MDGA2: variants seen among roughly 807,000 people sequenced by gnomAD.
MDGA2 encodes MAM domain-containing glycosylphosphatidylinositol anchor protein 2.
In MDGA2, 40 loss-of-function variants were observed where a neutral mutation model predicts 117.8. The ratio of observed to expected loss-of-function variants is 0.34; its 90% CI spans 0.26 to 0.44. The LOEUF is 0.44. Ranked by LOEUF, MDGA2 falls within the 20% of genes least tolerant of loss-of-function variation. The pLI, the probability that MDGA2 is intolerant of heterozygous loss-of-function variation, is 1.00. For missense variants in MDGA2, 1,123 were observed against 1,250.6 expected (o/e 0.90, Z 1.54); for synonymous variants, 452 against 439.0 (o/e 1.03, Z -0.37).
intron 1 of MDGA2, among the ~76,000 whole-genome samples, chr14:47,358,535 C>T (rs1034636575): frequency 6.6e-6 from 1 of 152,102 alleles, no homozygotes; most frequent in African/African-American, 2.4e-5. Flanking sequence ...TCCCTATTTG[C>T]AGAAGACATG....
intron 1 of MDGA2, among the ~76,000 whole-genome samples, chr14:47,572,588 C>T (rs79667674): frequency 6.6e-6 from 1 of 152,094 alleles, no homozygotes; most frequent in Non-Finnish European, 1.5e-5. Context: ...TTACAAAGGA[C>T]CAAATATTTC....
At chr14:47,494,101 G>GT (rs1894229297) in intron 1 of MDGA2, among the ~76,000 whole-genome samples, 1 of 152,106 alleles carries the variant, frequency 6.6e-6, no homozygotes. Context: ...GCTGCCATGT[G>GT]AAGAAGTACA....
chr14:47,520,290 C>T (rs191506729), intron 1 of MDGA2, among the ~76,000 whole-genome samples: 2 of 152,268 alleles, frequency 1.3e-5, no homozygotes, highest in African/African-American at 2.4e-5. Context: ...AACAAATATA[C>T]ACTTTGAGAA....
At chr14:46,891,811 A>T (rs1301146657) in intron 10 of MDGA2, among the ~76,000 whole-genome samples, 2 of 151,460 alleles carry the variant, frequency 1.3e-5, no homozygotes, top group Non-Finnish European at 3.0e-5. Flanking sequence ...TTTTTTAATG[A>T]CAAGGCTTTT....
chr14:47,318,810 G>GAAGGAAGGAAGTAAGC, intron 1 of MDGA2, among the ~76,000 whole-genome samples: 1 of 150,058 alleles, frequency 6.7e-6, no homozygotes, highest in Admixed American at 6.7e-5. Context: ...AGGGAGGAAA[G>GAAGGAAGGAAGTAAGC]AAGGAAGGAA....
At position 47,626,593 on chromosome 14, in the gene MDGA2, G is replaced by A. The variant is rs577203711; in HGVS notation, c.280+47924C>T. On this transcript the variant is annotated intron_variant, in intron 1 of 16. Coordinates refer to ENST00000399232, the MANE Select transcript of MDGA2 (RefSeq NM_001113498.3). ...GCGGGAATCGGGGGCTGCGCCCGGC[G>A]CTTGCGGGCCAGCGCGAGTTCCGGG... 160 of 152,424 alleles carry A rather than the reference G, an allele frequency of 1.0e-3. 1 individual carries two copies. The highest frequency in any genetic ancestry group is 1.8e-3 in the Non-Finnish European group (126 of 68,144). The allele number at this position is 152,424 out of a possible 1,614,324, so 9.4% of individuals were successfully genotyped here.
chr14:47,539,832 G>C (rs1895301203), intron 1 of MDGA2, among the ~76,000 whole-genome samples: 1 of 152,162 alleles, frequency 6.6e-6, no homozygotes, highest in Non-Finnish European at 1.5e-5. Context: ...GCAGTCACCT[G>C]TAAGGCGTTC....
Position 47,030,784 on chromosome 14 carries a change from C to A in MDGA2, c.1819+4227G>T, listed in dbSNP as rs181894541. On this transcript the variant is annotated intron_variant, in intron 8 of 16. Coordinates refer to ENST00000399232, the MANE Select transcript of MDGA2 (RefSeq NM_001113498.3). Reference sequence around the variant, plus strand: ...TACTTTGCAGTTTTACCCAGAAAAACCTTTTAAGTTTAATTTTAAAATACT... The same window carrying A: ...TACTTTGCAGTTTTACCCAGAAAAAACTTTTAAGTTTAATTTTAAAATACT... Among the ~76,000 whole-genome samples the A allele has an allele frequency of 2.6e-5, 4 of 152,090 alleles. No homozygotes were observed. The East Asian group carries it at 7.7e-4, about 29-fold the overall frequency.
At chr14:47,113,826 A>T (rs1445675663) in intron 5 of MDGA2, among the ~76,000 whole-genome samples, 3 of 152,218 alleles carry the variant, frequency 2.0e-5, no homozygotes, top group Admixed American at 2.0e-4. Flanking sequence ...AGCTGGAAGC[A>T]TTCCCCTTGA....
At chr14:47,335,369 A>C (rs1566743671) in intron 1 of MDGA2, among the ~76,000 whole-genome samples, 1 of 151,454 alleles carries the variant, frequency 6.6e-6, no homozygotes. Flanking sequence ...TCCTGAAAAG[A>C]AGACATTGGA....
intron 1 of MDGA2, among the ~76,000 whole-genome samples, chr14:47,389,266 G>A (rs957687530): frequency 1.3e-5 from 2 of 152,112 alleles, no homozygotes; most frequent in Non-Finnish European, 2.9e-5. Flanking sequence ...TACAAATGCT[G>A]TATGGTCAAA....
intron 11 of MDGA2, among the ~76,000 whole-genome samples, chr14:46,881,332 A>G (rs1038484158): frequency 3.9e-5 from 6 of 152,240 alleles, no homozygotes; most frequent in African/African-American, 1.4e-4. Flanking sequence ...CAGAGTAAAC[A>G]TATCATTGGT....
At chr14:47,619,391 T>C (rs183665853) in intron 1 of MDGA2, among the ~76,000 whole-genome samples, 2 of 152,316 alleles carry the variant, frequency 1.3e-5, no homozygotes, top group East Asian at 3.9e-4. Flanking sequence ...AGCTTATTTT[T>C]TTGAATGAAT....
intron 4 of MDGA2, among the ~76,000 whole-genome samples, chr14:47,141,128 A>G (rs1181777389): frequency 6.6e-6 from 1 of 152,178 alleles, no homozygotes; most frequent in Non-Finnish European, 1.5e-5. Flanking sequence ...TGCTATTATC[A>G]AAAGGACAAA....
At chr14:47,038,666 G>A (rs1413291348) in intron 7 of MDGA2, among the ~76,000 whole-genome samples, 3 of 152,000 alleles carry the variant, frequency 2.0e-5, no homozygotes, top group African/African-American at 7.3e-5. Flanking sequence ...GGCTAGATGC[G>A]GTGGCTCATG....
chr14:47,233,179 T>A (rs963522940), intron 2 of MDGA2, among the ~76,000 whole-genome samples: 1 of 152,076 alleles, frequency 6.6e-6, no homozygotes, highest in Admixed American at 6.6e-5. Flanking sequence ...CATGTAAAGA[T>A]AAAACCAATA....
At chr14:47,669,300 C>T (rs1253444794) in intron 1 of MDGA2, among the ~76,000 whole-genome samples, 1 of 152,102 alleles carries the variant, frequency 6.6e-6, no homozygotes, top group African/African-American at 2.4e-5. Flanking sequence ...ATGAAAAATG[C>T]CTTCCTGGAA....
intron 3 of MDGA2, among the ~76,000 whole-genome samples, chr14:47,171,975 C>T (rs988951718): frequency 1.3e-5 from 2 of 152,178 alleles, no homozygotes; most frequent in African/African-American, 4.8e-5. Context: ...GCTTAAAAAA[C>T]GGTGCACCAG....
intron 3 of MDGA2, among the ~76,000 whole-genome samples, chr14:47,188,392 G>C (rs1347618960): frequency 4.6e-5 from 7 of 152,190 alleles, no homozygotes. Context: ...ACATGGCAAG[G>C]AACTGATATT....
Sources: gnomAD v4.1 joint callset for allele counts (sites outside exome capture counted in the v4.1 genomes callset) on GRCh38, gnomAD v4.1.1 for gene constraint, MANE v1.5 for transcripts, NCBI Gene and HGNC (gene_info 2026-07-23, HGNC 2026-07-21) for gene names.